PDZRN4: variants seen among roughly 807,000 people sequenced by gnomAD.
The protein encoded by PDZRN4 is PDZ domain containing ring finger 4.
In PDZRN4, 70 loss-of-function variants were observed where a neutral mutation model predicts 99.0. The observed-to-expected ratio is 0.71, with a 90% CI of 0.58 to 0.86. The LOEUF (loss-of-function observed/expected upper bound fraction) is 0.86. PDZRN4 is among the 40% of genes least tolerant of loss of function. PDZRN4 has a pLI of 0.00. For synonymous variants in PDZRN4, 551 were observed against 501.6 expected, an observed-to-expected ratio of 1.10 and a Z score of -1.32; for missense variants, 1,474 against 1,331.2, an observed-to-expected ratio of 1.11 and a Z score of -1.67.
intron 3 of PDZRN4, among the ~76,000 whole-genome samples, chr12:41,231,474 C>T (rs1301742165): frequency 1.3e-5 from 2 of 151,922 alleles, no homozygotes; most frequent in Non-Finnish European, 2.9e-5. Flanking sequence ...CTATTTGACT[C>T]CCATGTTGTT....
At chr12:41,294,262 G>T (rs2120915519) in intron 3 of PDZRN4, among the ~76,000 whole-genome samples, 1 of 152,194 alleles carries the variant, frequency 6.6e-6, no homozygotes, top group African/African-American at 2.4e-5. Flanking sequence ...CCCTCGTTGT[G>T]CAAGTCACTT....
chr12:41,223,024 G>T (rs1950968666), intron 3 of PDZRN4, among the ~76,000 whole-genome samples: 1 of 151,926 alleles, frequency 6.6e-6, no homozygotes, highest in Non-Finnish European at 1.5e-5. Flanking sequence ...TATTAGCTTG[G>T]TGCAAAAGTA....
intron 3 of PDZRN4, among the ~76,000 whole-genome samples, chr12:41,486,518 C>T (rs1305294831): frequency 6.6e-6 from 1 of 151,978 alleles, no homozygotes; most frequent in African/African-American, 2.4e-5. Context: ...AGAGTAAGAA[C>T]CCAGTGAATG....
At chr12:41,527,840 G>C (rs1203146737) in intron 5 of PDZRN4, among the ~76,000 whole-genome samples, 1 of 152,146 alleles carries the variant, frequency 6.6e-6, no homozygotes, top group Non-Finnish European at 1.5e-5. Context: ...TTTACCTCTA[G>C]ACTGATTCTG....
intron 3 of PDZRN4, chr12:41,411,563 G>A (rs1002094084): frequency 6.6e-6 from 1 of 152,162 alleles, no homozygotes; most frequent in Non-Finnish European, 1.5e-5. Flanking sequence ...ATCAACAAAA[G>A]CACAGATATT....
intron 5 of PDZRN4, among the ~76,000 whole-genome samples, chr12:41,547,570 A>G (rs1938978782): frequency 6.6e-6 from 1 of 152,204 alleles, no homozygotes; most frequent in Admixed American, 6.5e-5. Flanking sequence ...GGTTGCAGTC[A>G]GCCGAGATCA....
intron 3 of PDZRN4, among the ~76,000 whole-genome samples, chr12:41,281,033 T>C (rs1178652702): frequency 6.6e-6 from 1 of 152,132 alleles, no homozygotes; most frequent in African/African-American, 2.4e-5. Flanking sequence ...CAGCAATCTC[T>C]GCTGTTCTGC....
In PDZRN4 at chr12:41,537,063, T is replaced by TA. The variant is rs1044163820; in HGVS notation, c.1204-15592dup. On this transcript the variant is annotated intron_variant, in intron 5 of 9. Transcript: ENST00000402685. ...TCATATGGGTCCTAGCAGGCCCTTA[T>TA]ACTAGTCTTCTAGACATGTCCTGAT... is the stretch of plus-strand genomic sequence containing the variant. Among the ~76,000 whole-genome samples, 4 of 152,360 alleles carry TA rather than the reference T, an allele frequency of 2.6e-5. No individual in the cohort carries two copies. In the South Asian group the frequency reaches 6.2e-4, roughly 24 times the overall value.
At chr12:41,374,993 C>T (rs1952069203) in intron 3 of PDZRN4, among the ~76,000 whole-genome samples, 1 of 152,150 alleles carries the variant, frequency 6.6e-6, no homozygotes, top group African/African-American at 2.4e-5. Context: ...CTCTTCAAGT[C>T]ACTTGCTCTG....
chr12:41,285,907 G>A lies in PDZRN4; in HGVS notation c.843+91719G>A, dbSNP rs1160091142. Among the ~76,000 whole-genome samples the A allele has an allele frequency of 2.6e-5, 4 of 151,944 alleles. No individual in the cohort carries two copies. The East Asian group carries it at 5.8e-4, about 22-fold the overall frequency. On this transcript the variant is annotated intron_variant, in intron 3 of 9. Coordinates refer to ENST00000402685, the MANE Select transcript of PDZRN4 (RefSeq NM_001164595.2). ...AGGAGAAAAACTTAATGTAGATGAC[G>A]GGTTGTTGGGTGCAGCAAACCACCA...
intron 3 of PDZRN4, among the ~76,000 whole-genome samples, chr12:41,394,135 G>A (rs1001950638): frequency 3.9e-5 from 6 of 152,088 alleles, no homozygotes; most frequent in Admixed American, 6.6e-5. Flanking sequence ...TCTTCTCATT[G>A]CATCCTCACA....
chr12:41,477,990 G>A (rs1937620325), intron 3 of PDZRN4: 2 of 968,228 alleles, frequency 2.1e-6, no homozygotes, highest in Non-Finnish European at 3.2e-6. Context: ...TAATCTACAT[G>A]ATATAGATAA....
At chr12:41,280,065 G>T (rs938385079) in intron 3 of PDZRN4, among the ~76,000 whole-genome samples, 2 of 152,136 alleles carry the variant, frequency 1.3e-5, no homozygotes, top group Admixed American at 1.3e-4. Flanking sequence ...CATGGAGGGC[G>T]AGCAGAAGCA....
At chr12:41,259,121 AT>A (rs1194332584) in intron 3 of PDZRN4, among the ~76,000 whole-genome samples, 3 of 152,086 alleles carry the variant, frequency 2.0e-5, no homozygotes, top group African/African-American at 7.2e-5. Flanking sequence ...ATGGATAATA[AT>A]GGCTATCGTT....
At chr12:41,191,380 T>C in intron 1 of PDZRN4, 78 bp from the exon 2 acceptor site, 1 of 729,874 alleles carries the variant, frequency 1.4e-6, no homozygotes, top group Non-Finnish European at 2.4e-6. Flanking sequence ...TAACTTACAG[T>C]ACATAAAAAC....
At chr12:41,369,006 T>C (rs375171824) in intron 3 of PDZRN4, among the ~76,000 whole-genome samples, 6 of 152,296 alleles carry the variant, frequency 3.9e-5, no homozygotes, top group Middle Eastern at 3.4e-3. Flanking sequence ...AAATCACTTT[T>C]AAACTTTTCT....
rs530749491 is a variant in PDZRN4, at chr12:41,280,767, G to A, written c.843+86579G>A. On this transcript the variant is annotated intron_variant, in intron 3 of 9. Coordinates refer to ENST00000402685, the MANE Select transcript of PDZRN4 (RefSeq NM_001164595.2). ...CCCTGGGACAGAGCACCAGGCAGAA[G>A]GGGTGGATGTGGGTGCAGCTTCAGC... 2.6e-5 allele frequency among the ~76,000 whole-genome samples: 4 copies of A among 152,248 alleles called. No homozygotes were observed. The South Asian group carries it at 6.2e-4, about 24-fold the overall frequency.
chr12:41,291,232 T>C (rs1951454871), intron 3 of PDZRN4, among the ~76,000 whole-genome samples: 1 of 152,074 alleles, frequency 6.6e-6, no homozygotes, highest in Admixed American at 6.6e-5. Context: ...ATTTCTGAGA[T>C]ATTAGTGATC....
intron 3 of PDZRN4, among the ~76,000 whole-genome samples, chr12:41,382,098 A>G (rs774197954): frequency 2.0e-4 from 30 of 152,134 alleles, no homozygotes; most frequent in Non-Finnish European, 3.1e-4. Context: ...GTCACAGTCT[A>G]TACTCCCTGC....
Sources: gnomAD v4.1 joint callset for allele counts (sites outside exome capture counted in the v4.1 genomes callset) on GRCh38, gnomAD v4.1.1 for gene constraint, MANE v1.5 for transcripts, NCBI Gene and HGNC (gene_info 2026-07-23, HGNC 2026-07-21) for gene names.